Variants in MAGI2 observed in about 807,000 individuals in gnomAD.
MAGI2 encodes membrane-associated guanylate kinase, WW and PDZ domain-containing protein 2.
MAGI2 carries 35 observed loss-of-function variants against 133.3 expected under a neutral mutation model. That is an observed-to-expected ratio of 0.26 (90% CI 0.20 to 0.35). The LOEUF is 0.35. MAGI2 is among the 10% of genes least tolerant of loss of function. MAGI2 has a pLI of 1.00. For synonymous variants in MAGI2, 729 were observed against 710.6 expected (o/e 1.03, Z -0.41); for missense variants, 1,636 against 1,863.4 (o/e 0.88, Z 2.25).
intron 2 of MAGI2, among the ~76,000 whole-genome samples, chr7:78,717,807 G>T (rs1035081298): frequency 3.3e-5 from 5 of 152,134 alleles, no homozygotes; most frequent in African/African-American, 7.2e-5. Flanking sequence ...GTAGGTAGTG[G>T]AGCCATTAGA....
intron 5 of MAGI2, among the ~76,000 whole-genome samples, chr7:78,497,997 T>G (rs1030746211): frequency 1.3e-5 from 2 of 152,186 alleles, no homozygotes; most frequent in African/African-American, 4.8e-5. Flanking sequence ...ATTTTTCTTC[T>G]CCTTTCTTTT....
At chr7:79,424,318 T>C (rs1254550659) in intron 1 of MAGI2, among the ~76,000 whole-genome samples, 1 of 151,930 alleles carries the variant, frequency 6.6e-6, no homozygotes, top group Non-Finnish European at 1.5e-5. Flanking sequence ...CAGGCACAGA[T>C]CAATACTGCA....
At chr7:78,552,170 G>A (rs540946416) in intron 3 of MAGI2, among the ~76,000 whole-genome samples, 2,287 of 114,302 alleles carry the variant, frequency 0.02, 31 homozygotes, top group African/African-American at 0.057. Flanking sequence ...GTAGACATTT[G>A]TTTTCCTTTT....
rs143341397 is a variant in MAGI2 at position 78,915,003 on chromosome 7, A to G, written c.418+92087T>C. Among the ~76,000 whole-genome samples, 506 of 152,282 alleles carry G rather than the reference A, an allele frequency of 3.3e-3. 3 individuals carry two copies. Among genetic ancestry groups the G allele is most frequent in the African/African-American group, 0.012 (487 of 41,574 alleles). On this transcript the variant is annotated intron_variant, in intron 2 of 21. Coordinates refer to ENST00000354212, the MANE Select transcript of MAGI2 (RefSeq NM_012301.4). ...ATATTACTTTTCAAATATAGAAAAA[A>G]TGAATTTTGCTATTTTCAAAACATA...
At chr7:78,681,443 A>G (rs1815650093) in intron 2 of MAGI2, among the ~76,000 whole-genome samples, 1 of 152,198 alleles carries the variant, frequency 6.6e-6, no homozygotes. Context: ...TTTATATATT[A>G]CACAACCATA....
intron 7 of MAGI2, among the ~76,000 whole-genome samples, chr7:78,346,575 G>A (rs1790931947): frequency 6.6e-6 from 1 of 152,170 alleles, no homozygotes; most frequent in Non-Finnish European, 1.5e-5. Flanking sequence ...TACATATGTA[G>A]GACAGTTGAT....
intron 2 of MAGI2, among the ~76,000 whole-genome samples, chr7:78,753,009 A>T (rs111859609): frequency 2.6e-3 from 389 of 152,368 alleles, no homozygotes; most frequent in African/African-American, 9.1e-3. Flanking sequence ...AATTTCAGGG[A>T]TTAACCACCT....
Position 78,316,810 on chromosome 7 carries a change from T to C in MAGI2, c.1408+26968A>G, listed in dbSNP as rs1584848414. Among the ~76,000 whole-genome samples the C allele has an allele frequency of 2.0e-5, 3 of 152,328 alleles. No individual in the cohort carries two copies. The East Asian group carries it at 5.8e-4, about 29-fold the overall frequency. On this transcript the variant is annotated intron_variant, in intron 9 of 21. Transcript: ENST00000354212. ...CAATCCTTACAGATTTTATAAACTATATAGGACAGCAGATGAGCAATCAGG... is the reference window on the plus strand; with the variant it reads ...CAATCCTTACAGATTTTATAAACTACATAGGACAGCAGATGAGCAATCAGG...
chr7:79,441,878 T>G (rs143648448), intron 1 of MAGI2, among the ~76,000 whole-genome samples: 2 of 152,312 alleles, frequency 1.3e-5, no homozygotes, highest in African/African-American at 4.8e-5. Flanking sequence ...ATATTCATAT[T>G]ATTGAAAGCA....
chr7:78,137,159 AC>A (rs1822233224), intron 16 of MAGI2, among the ~76,000 whole-genome samples: 1 of 151,972 alleles, frequency 6.6e-6, no homozygotes, highest in South Asian at 2.1e-4. Context: ...ATTAGGGTGA[AC>A]TTTAGTTCCT....
chr7:79,058,228 T>C (rs373708436), intron 1 of MAGI2, among the ~76,000 whole-genome samples: 3 of 152,184 alleles, frequency 2.0e-5, no homozygotes, highest in East Asian at 3.9e-4. Context: ...ATTAGTTCAA[T>C]TTTTTTCTAT....
At chr7:78,394,610 G>A (rs1796179557) in intron 6 of MAGI2, among the ~76,000 whole-genome samples, 1 of 152,122 alleles carries the variant, frequency 6.6e-6, no homozygotes, top group Admixed American at 6.5e-5. Context: ...AGTGTCTGCT[G>A]ACCACCATTC....
chr7:78,332,943 G>A (rs1789383763), intron 9 of MAGI2, among the ~76,000 whole-genome samples: 1 of 152,172 alleles, frequency 6.6e-6, no homozygotes, highest in South Asian at 2.1e-4. Context: ...TGGCCAGCTG[G>A]CTAGAAATTT....
intron 1 of MAGI2, among the ~76,000 whole-genome samples, chr7:79,445,784 A>G (rs1848809493): frequency 6.6e-6 from 1 of 152,216 alleles, no homozygotes; most frequent in Non-Finnish European, 1.5e-5. Context: ...TAGAACTAGA[A>G]ATACCATTTG....
At chr7:78,981,514 A>C (rs193041230) in intron 2 of MAGI2, among the ~76,000 whole-genome samples, 33 of 151,534 alleles carry the variant, frequency 2.2e-4, no homozygotes, top group African/African-American at 7.5e-4. Flanking sequence ...TTTTCATTTC[A>C]CATTTCCTTT....
intron 1 of MAGI2, among the ~76,000 whole-genome samples, chr7:79,305,264 T>C (rs1446144517): frequency 6.6e-6 from 1 of 152,178 alleles, no homozygotes; most frequent in Non-Finnish European, 1.5e-5. Context: ...TATATGTATA[T>C]AGTTTTCAGA....
chr7:78,541,302 G>T (rs992430841), intron 3 of MAGI2, among the ~76,000 whole-genome samples: 12 of 152,166 alleles, frequency 7.9e-5, no homozygotes, highest in African/African-American at 2.9e-4. Context: ...CCCAACAGCA[G>T]TTTAAATCTC....
At position 79,353,604 on chromosome 7, in the gene MAGI2, C is replaced by G. The variant is rs146762270; in HGVS notation, c.301+99416G>C. The G allele has an allele frequency of 4.4e-4, 179 of 410,758 alleles. 1 individual carries two copies. The highest frequency in any genetic ancestry group is 7.0e-4 in the Non-Finnish European group (143 of 205,408). 25.4% of individuals were successfully genotyped at this position (410,758 alleles called of 1,614,324 possible). ...CTGGAGCTCTGGTGATCTTCCTGCT[C>G]TTTCACAAGGAGCAGGTGCTGGAGA... is the stretch of plus-strand genomic sequence containing the variant. On this transcript the variant is annotated intron_variant, in intron 1 of 21. Coordinates refer to ENST00000354212, the MANE Select transcript of MAGI2 (RefSeq NM_012301.4).
chr7:78,049,669 G>A (rs1584944386), intron 21 of MAGI2, among the ~76,000 whole-genome samples: 1 of 152,240 alleles, frequency 6.6e-6, no homozygotes, highest in East Asian at 1.9e-4. Flanking sequence ...GTGTATGTGG[G>A]TGGTGGGATC....
Sources: gnomAD v4.1 joint callset for allele counts (sites outside exome capture counted in the v4.1 genomes callset) on GRCh38, gnomAD v4.1.1 for gene constraint, MANE v1.5 for transcripts, NCBI Gene and HGNC (gene_info 2026-07-23, HGNC 2026-07-21) for gene names.